Variants in HDAC9 observed in about 807,000 individuals in gnomAD.
The protein encoded by HDAC9 is histone deacetylase 9, also known as MEF-2 interacting transcription repressor (MITR) protein.
HDAC9 carries 41 observed loss-of-function variants against 139.4 expected under a neutral mutation model. The observed-to-expected ratio is 0.29, with a 90% CI of 0.23 to 0.38. The LOEUF (loss-of-function observed/expected upper bound fraction) is 0.38, where lower values mean the gene tolerates loss of function less well. Among genes scored for constraint, HDAC9 ranks in the 10% least tolerant of loss-of-function variants. The probability of loss-of-function intolerance (pLI) is 1.00; values close to 1 mark genes in which losing one functional copy is unlikely to be tolerated. For missense variants in HDAC9, 1,147 were observed against 1,297.0 expected, an observed-to-expected ratio of 0.88 and a Z score of 1.78; for synonymous variants, 517 against 476.2, an observed-to-expected ratio of 1.09 and a Z score of -1.12.
At chr7:18,986,728 G>C (rs1409432418) in intron 25 of HDAC9, among the ~76,000 whole-genome samples, 1 of 152,150 alleles carries the variant, frequency 6.6e-6, no homozygotes, top group Admixed American at 6.5e-5. Flanking sequence ...CCATTTGTTT[G>C]TATCCTCTTT....
At chr7:18,602,516 T>C (rs1298328525) in intron 6 of HDAC9, among the ~76,000 whole-genome samples, 1 of 151,874 alleles carries the variant, frequency 6.6e-6, no homozygotes, top group Admixed American at 6.6e-5. Context: ...TTATTTTTCC[T>C]CTATTTTTTT....
At chr7:18,585,258 T>G (rs1829110384) in intron 2 of HDAC9, 23 bp from the exon 3 acceptor site, 1 of 1,608,494 alleles carries the variant, frequency 6.2e-7, no homozygotes, top group Non-Finnish European at 8.5e-7. Flanking sequence ...CCACCCCATT[T>G]CCCTTTTTTT....
intron 12 of HDAC9, among the ~76,000 whole-genome samples, chr7:18,669,614 A>T (rs1472190753): frequency 1.3e-5 from 2 of 151,830 alleles, no homozygotes; most frequent in East Asian, 3.9e-4. Flanking sequence ...AATTTCCTGA[A>T]ATTTGCCTTT....
At chr7:18,195,831 T>TA (rs1242004002) in intron 2 of HDAC9, among the ~76,000 whole-genome samples, 1 of 152,190 alleles carries the variant, frequency 6.6e-6, no homozygotes, top group Non-Finnish European at 1.5e-5. Flanking sequence ...AAATGTTTCA[T>TA]CATAACGTGA....
At chr7:18,728,493 C>T (rs1007283610) in intron 13 of HDAC9, among the ~76,000 whole-genome samples, 1 of 151,704 alleles carries the variant, frequency 6.6e-6, no homozygotes, top group Non-Finnish European at 1.5e-5. Flanking sequence ...TACATATATG[C>T]GTGGATAATT....
chr7:18,434,285 G>A (rs1318873131), intron 1 of HDAC9, among the ~76,000 whole-genome samples: 1 of 152,132 alleles, frequency 6.6e-6, no homozygotes, highest in African/African-American at 2.4e-5. Context: ...AAAGACTTAA[G>A]TGTAAAACCT....
In HDAC9 at chr7:18,542,010, C is replaced by G. The variant is rs999426787; in HGVS notation, c.23-43271C>G. On this transcript the variant is annotated intron_variant, in intron 2 of 25. Transcript: ENST00000686413. Reference sequence around the variant, plus strand: ...CCAGTTCTTTGTTGTGGGGTGCCATCCTTCCCATTGCAGGATGTTTAGCAG... The same window carrying G: ...CCAGTTCTTTGTTGTGGGGTGCCATGCTTCCCATTGCAGGATGTTTAGCAG... 7.2e-5 allele frequency among the ~76,000 whole-genome samples: 11 copies of G among 152,172 alleles called. No individual in the cohort carries two copies. The South Asian group carries it at 1.9e-3, about 26-fold the overall frequency.
intron 13 of HDAC9, among the ~76,000 whole-genome samples, chr7:18,738,912 T>G (rs1217600761): frequency 6.6e-6 from 1 of 152,222 alleles, no homozygotes; most frequent in African/African-American, 2.4e-5. Flanking sequence ...AAATGTAGAT[T>G]TGGTCTTTTC....
chr7:18,108,393 C>G (rs1584088697), intron 1 of HDAC9, among the ~76,000 whole-genome samples: 1 of 152,248 alleles, frequency 6.6e-6, no homozygotes, highest in East Asian at 1.9e-4. Context: ...TAGTTTTTCT[C>G]AAGCATTTAC....
chr7:18,784,009 T>A (rs1791474642), intron 16 of HDAC9, among the ~76,000 whole-genome samples: 1 of 152,050 alleles, frequency 6.6e-6, no homozygotes, highest in Non-Finnish European at 1.5e-5. Context: ...TCATCCCCAG[T>A]TACCTGACAT....
chr7:18,791,729 C>T (rs1792329508), intron 16 of HDAC9, among the ~76,000 whole-genome samples: 1 of 152,170 alleles, frequency 6.6e-6, no homozygotes, highest in Admixed American at 6.5e-5. Flanking sequence ...GTCTTCAGAA[C>T]AGCCTTTCTA....
At chr7:18,486,745 A>C (rs959989953) in intron 1 of HDAC9, among the ~76,000 whole-genome samples, 5 of 152,124 alleles carry the variant, frequency 3.3e-5, no homozygotes, top group African/African-American at 1.2e-4. Context: ...TTTTATATTG[A>C]TAATATGAAA....
intron 3 of HDAC9, among the ~76,000 whole-genome samples, chr7:18,588,917 A>G (rs1243727995): frequency 1.2e-4 from 19 of 152,146 alleles, no homozygotes; most frequent in Admixed American, 1.1e-3. Flanking sequence ...TGGAGCATTT[A>G]GGATTTTGGA....
intron 2 of HDAC9, among the ~76,000 whole-genome samples, chr7:18,251,338 C>G (rs1794906084): frequency 6.6e-6 from 1 of 152,014 alleles, no homozygotes; most frequent in Non-Finnish European, 1.5e-5. Context: ...GAGGAAACAG[C>G]ACACACTGGG....
chr7:18,188,342 A>G (rs141994401), intron 2 of HDAC9, among the ~76,000 whole-genome samples: 4,016 of 152,308 alleles, frequency 0.026, 59 homozygotes, highest in East Asian at 0.042. Context: ...TTATACAAAA[A>G]TTAATTCAAG....
intron 13 of HDAC9, among the ~76,000 whole-genome samples, chr7:18,733,837 G>T (rs1020574593): frequency 4.6e-5 from 7 of 151,990 alleles, no homozygotes; most frequent in Non-Finnish European, 1.5e-5. Context: ...TGTTCAAGGG[G>T]TTTAGCACTG....
intron 2 of HDAC9, among the ~76,000 whole-genome samples, chr7:18,262,510 A>C (rs1187821751): frequency 6.6e-6 from 1 of 152,230 alleles, no homozygotes. Flanking sequence ...CTGAAATAAA[A>C]GGGTATTAGA....
chr7:18,226,138 A>G (rs984514702), intron 2 of HDAC9, among the ~76,000 whole-genome samples: 1 of 152,208 alleles, frequency 6.6e-6, no homozygotes, highest in Admixed American at 6.5e-5. Flanking sequence ...AATTTAGAGT[A>G]TGTGAAGTTT....
intron 2 of HDAC9, among the ~76,000 whole-genome samples, chr7:18,540,960 C>T (rs1812624107): frequency 6.6e-6 from 1 of 152,002 alleles, no homozygotes. Flanking sequence ...GAAACTGACA[C>T]CAAGCATGTA....
Sources: allele counts gnomAD v4.1 joint callset (sites outside exome capture counted in the v4.1 genomes callset), GRCh38; gene constraint gnomAD v4.1.1; transcripts MANE v1.5; gene names NCBI Gene and HGNC (gene_info 2026-07-23, HGNC 2026-07-21).